The following NKAIN3 variants were observed in gnomAD, a reference collection of about 807,000 sequenced individuals.
NKAIN3 encodes the protein sodium/potassium-transporting ATPase subunit beta-1-interacting protein 3.
In NKAIN3, 25 loss-of-function variants were observed where a neutral mutation model predicts 30.2. That is an observed-to-expected ratio of 0.83 (90% CI 0.60 to 1.16). The LOEUF (loss-of-function observed/expected upper bound fraction) is 1.16. Among genes scored for constraint, NKAIN3 ranks in the 50% most tolerant of loss-of-function variants. The pLI is 0.00. For synonymous variants in NKAIN3, 91 were observed against 89.6 expected (o/e 1.02, Z -0.09); for missense variants, 225 against 254.1 (o/e 0.89, Z 0.78).
intron 1 of NKAIN3, among the ~76,000 whole-genome samples, chr8:62,327,588 A>G (rs1282351805): frequency 6.6e-6 from 1 of 152,048 alleles, no homozygotes; most frequent in Non-Finnish European, 1.5e-5. Context: ...CCCATTGAAT[A>G]GCCTTACCAC....
intron 3 of NKAIN3, among the ~76,000 whole-genome samples, chr8:62,641,345 A>T (rs778104060): frequency 1.3e-5 from 2 of 152,122 alleles, no homozygotes; most frequent in Non-Finnish European, 2.9e-5. Context: ...GTCTTGCTGG[A>T]CCTAAGGAAC....
chr8:62,296,274 G>A (rs1813826521), intron 1 of NKAIN3, among the ~76,000 whole-genome samples: 1 of 152,174 alleles, frequency 6.6e-6, no homozygotes, highest in Admixed American at 6.5e-5. Flanking sequence ...AAAAGTAGGA[G>A]GAGGCTGAAT....
chr8:62,301,278 A>G (rs979751470), intron 1 of NKAIN3, among the ~76,000 whole-genome samples: 6 of 152,112 alleles, frequency 3.9e-5, no homozygotes, highest in African/African-American at 1.4e-4. Flanking sequence ...TTAAAAGAAA[A>G]ACTTTAGAAA....
At chr8:62,678,891 T>C (rs1813564727) in intron 3 of NKAIN3, among the ~76,000 whole-genome samples, 1 of 152,286 alleles carries the variant, frequency 6.6e-6, no homozygotes, top group Non-Finnish European at 1.5e-5. Context: ...AAATGTGTCA[T>C]GTATCTAGTG....
intron 4 of NKAIN3, among the ~76,000 whole-genome samples, chr8:62,761,939 C>T (rs1285997276): frequency 6.6e-6 from 1 of 151,964 alleles, no homozygotes; most frequent in East Asian, 1.9e-4. Flanking sequence ...GATATCTACT[C>T]CCCCCAAAAA....
chr8:62,270,079 CAG>C (rs10530779), intron 1 of NKAIN3, among the ~76,000 whole-genome samples: 2,839 of 151,952 alleles, frequency 0.019, 87 homozygotes, highest in East Asian at 0.12. Context: ...ACTCAGATCA[CAG>C]AGTTTTGTTT....
chr8:62,570,816 C>A (rs1809912676), intron 1 of NKAIN3, among the ~76,000 whole-genome samples: 1 of 152,146 alleles, frequency 6.6e-6, no homozygotes, highest in Admixed American at 6.5e-5. Context: ...GCCTTTTACT[C>A]TCATTCCACT....
intron 4 of NKAIN3, among the ~76,000 whole-genome samples, chr8:62,829,012 A>G (rs1390832594): frequency 6.6e-6 from 1 of 152,168 alleles, no homozygotes; most frequent in Non-Finnish European, 1.5e-5. Flanking sequence ...ATCAAAATAA[A>G]TCACTGGGGT....
intron 4 of NKAIN3, among the ~76,000 whole-genome samples, chr8:62,898,049 G>A (rs978365031): frequency 6.6e-6 from 1 of 152,086 alleles, no homozygotes; most frequent in Non-Finnish European, 1.5e-5. Flanking sequence ...GCAAATTCAA[G>A]TGCACCTGAA....
intron 1 of NKAIN3, among the ~76,000 whole-genome samples, chr8:62,453,707 C>T (rs905398883): frequency 2.6e-5 from 4 of 151,910 alleles, no homozygotes; most frequent in African/African-American, 7.3e-5. Flanking sequence ...TACCACCGAC[C>T]CCACAGAAAT....
intron 1 of NKAIN3, among the ~76,000 whole-genome samples, chr8:62,515,668 A>G (rs1339244899): frequency 6.6e-6 from 1 of 152,042 alleles, no homozygotes; most frequent in Non-Finnish European, 1.5e-5. Context: ...CTTTCCAGAA[A>G]CGCTACATTA....
chr8:62,500,448 A>C (rs976632848), intron 1 of NKAIN3, among the ~76,000 whole-genome samples: 1 of 137,236 alleles, frequency 7.3e-6, no homozygotes, highest in Non-Finnish European at 1.5e-5. Context: ...AAAGAAAGAA[A>C]GAAAGAAAGA....
At chr8:62,697,287 C>A (rs757985524) in intron 3 of NKAIN3, among the ~76,000 whole-genome samples, 5 of 152,206 alleles carry the variant, frequency 3.3e-5, no homozygotes, top group African/African-American at 9.6e-5. Flanking sequence ...TACTTGCCTA[C>A]TCTGTTCCAG....
intron 1 of NKAIN3, among the ~76,000 whole-genome samples, chr8:62,411,214 G>A (rs900543253): frequency 1.3e-5 from 2 of 152,070 alleles, no homozygotes; most frequent in Non-Finnish European, 2.9e-5. Context: ...GATCAATTAG[G>A]CTTTATTCCT....
chr8:62,829,103 G>T (rs1819115936), intron 4 of NKAIN3, among the ~76,000 whole-genome samples: 1 of 152,142 alleles, frequency 6.6e-6, no homozygotes, highest in Non-Finnish European at 1.5e-5. Context: ...TAATAGATAT[G>T]TTTGTTATAT....
chr8:62,788,334 T>A (rs1033816981), intron 4 of NKAIN3, among the ~76,000 whole-genome samples: 2 of 152,248 alleles, frequency 1.3e-5, no homozygotes, highest in African/African-American at 2.4e-5. Flanking sequence ...CATAAATGTC[T>A]TCTTTTGAGA....
intron 3 of NKAIN3, among the ~76,000 whole-genome samples, chr8:62,703,458 T>C (rs958153903): frequency 6.6e-6 from 1 of 152,216 alleles, no homozygotes; most frequent in Non-Finnish European, 1.5e-5. Context: ...TAAAAAAAAC[T>C]CAAAACATTT....
chr8:62,872,550 A>T (rs757417444), intron 4 of NKAIN3, among the ~76,000 whole-genome samples: 1 of 152,250 alleles, frequency 6.6e-6, no homozygotes, highest in East Asian at 1.9e-4. Flanking sequence ...CTGCCCAAGC[A>T]TTAGAATCTA....
chr8:62,564,083 G>A (rs1809669522), intron 1 of NKAIN3, among the ~76,000 whole-genome samples: 3 of 152,160 alleles, frequency 2.0e-5, no homozygotes, highest in African/African-American at 4.8e-5. Flanking sequence ...GCTTCAAAAC[G>A]GTGATTTTCT....
Sources: gnomAD v4.1 joint callset for allele counts (sites outside exome capture counted in the v4.1 genomes callset) on GRCh38, gnomAD v4.1.1 for gene constraint, MANE v1.5 for transcripts, NCBI Gene and HGNC (gene_info 2026-07-23, HGNC 2026-07-21) for gene names.